ADARB2: variants seen among roughly 807,000 people sequenced by gnomAD.
ADARB2 encodes the protein adenosine deaminase RNA specific B2 (inactive).
ADARB2 carries 25 observed loss-of-function variants against 62.2 expected under a neutral mutation model. The ratio of observed to expected loss-of-function variants is 0.40; its 90% CI spans 0.29 to 0.56. ADARB2 has a LOEUF of 0.56. ADARB2 is among the 20% of genes least tolerant of loss of function. The probability of loss-of-function intolerance (pLI) is 0.43; values close to 1 mark genes in which losing one functional copy is unlikely to be tolerated. For missense variants in ADARB2, 1,071 were observed against 1,077.4 expected (o/e 0.99, Z 0.08); for synonymous variants, 572 against 500.8 (o/e 1.14, Z -1.90).
intron 1 of ADARB2, among the ~76,000 whole-genome samples, chr10:1,442,317 G>C (rs1419629884): frequency 6.6e-6 from 1 of 152,122 alleles, no homozygotes; most frequent in Non-Finnish European, 1.5e-5. Context: ...GGTCTTGTCT[G>C]TGTCCCCACC....
rs1834657383 is a variant in ADARB2 at position 1,690,658 on chromosome 10, C to T, written c.100+46393G>A. Among the ~76,000 whole-genome samples, 4 of 152,262 alleles carry T rather than the reference C, an allele frequency of 2.6e-5. No individual in the cohort carries two copies. In the South Asian group the frequency reaches 8.3e-4, roughly 32 times the overall value. The stretch of plus-strand genomic sequence containing the variant: ...TCTCCTCCTTGCTCCTTCCTGTCCC[C>T]ATGCTCAGTGGAGCACTGCCCTGCT... On this transcript the variant is annotated intron_variant, in intron 1 of 9. Coordinates refer to ENST00000381312, the MANE Select transcript of ADARB2 (RefSeq NM_018702.4).
intron 1 of ADARB2, among the ~76,000 whole-genome samples, chr10:1,670,752 A>G (rs1337938601): frequency 6.6e-6 from 1 of 152,188 alleles, no homozygotes; most frequent in Non-Finnish European, 1.5e-5. Context: ...TGGGGCCAAC[A>G]CTACGGCTTC....
intron 1 of ADARB2, among the ~76,000 whole-genome samples, chr10:1,601,070 G>A (rs76884239): frequency 7.9e-5 from 12 of 152,358 alleles, no homozygotes; most frequent in Non-Finnish European, 1.6e-4. Context: ...AGAGCCTGCA[G>A]TACTCAGACA....
At chr10:1,476,311 G>T (rs1164469001) in intron 1 of ADARB2, among the ~76,000 whole-genome samples, 1 of 152,186 alleles carries the variant, frequency 6.6e-6, no homozygotes, top group Non-Finnish European at 1.5e-5. Context: ...GTGCCCAACT[G>T]CAGGTCTCTG....
intron 1 of ADARB2, among the ~76,000 whole-genome samples, chr10:1,437,259 C>CACATATATACAT (rs1367876165): frequency 6.6e-6 from 1 of 151,996 alleles, no homozygotes; most frequent in Non-Finnish European, 1.5e-5. Flanking sequence ...TATACACACA[C>CACATATATACAT]ACACACATGC....
chr10:1,513,592 C>A (rs1435839289), intron 1 of ADARB2, among the ~76,000 whole-genome samples: 1 of 152,188 alleles, frequency 6.6e-6, no homozygotes. Context: ...GTGGAATTAT[C>A]CAGACACACG....
At chr10:1,570,018 A>C (rs879005287) in intron 1 of ADARB2, among the ~76,000 whole-genome samples, 2 of 152,220 alleles carry the variant, frequency 1.3e-5, no homozygotes, top group Admixed American at 1.3e-4. Flanking sequence ...TGAAAGTAGC[A>C]GTTTCTCCTG....
chr10:1,219,049 CAAAAAAAA>C (rs58282140), intron 6 of ADARB2, among the ~76,000 whole-genome samples: 1 of 103,588 alleles, frequency 9.7e-6, no homozygotes, highest in Non-Finnish European at 1.9e-5. Context: ...GACTACGTCT[CAAAAAAAA>C]AAAAAAAAAA....
intron 3 of ADARB2, among the ~76,000 whole-genome samples, chr10:1,272,769 ACCTGTGTCCTGGACACC>A (rs1831275232): frequency 1.3e-5 from 2 of 152,158 alleles, no homozygotes. Flanking sequence ...AGAGAGGGAA[ACCTGTGTCCTGGACACC>A]CCGTGTGCTG....
intron 1 of ADARB2, among the ~76,000 whole-genome samples, chr10:1,586,690 C>T (rs1036786150): frequency 6.6e-6 from 1 of 152,200 alleles, no homozygotes; most frequent in Non-Finnish European, 1.5e-5. Context: ...CTCCTTCCTA[C>T]ACAGAGAATA....
chr10:1,666,166 G>A (rs528235760), intron 1 of ADARB2, among the ~76,000 whole-genome samples: 1 of 152,230 alleles, frequency 6.6e-6, no homozygotes, highest in Non-Finnish European at 1.5e-5. Flanking sequence ...TGCGCACAAG[G>A]GTTCAGGGCT....
intron 1 of ADARB2, among the ~76,000 whole-genome samples, chr10:1,658,801 G>C (rs536569359): frequency 1.2e-4 from 19 of 152,252 alleles, no homozygotes; most frequent in African/African-American, 4.3e-4. Flanking sequence ...CCTTTGTGTC[G>C]TGTGCTCTGA....
At chr10:1,568,541 A>G (rs1436555032) in intron 1 of ADARB2, among the ~76,000 whole-genome samples, 2 of 152,014 alleles carry the variant, frequency 1.3e-5, no homozygotes, top group African/African-American at 2.4e-5. Flanking sequence ...TGAAAGAAGA[A>G]AGAAAAGAAA....
At chr10:1,669,635 C>T (rs1834356678) in intron 1 of ADARB2, among the ~76,000 whole-genome samples, 1 of 151,640 alleles carries the variant, frequency 6.6e-6, no homozygotes, top group Non-Finnish European at 1.5e-5. Context: ...CAAACACACA[C>T]AGACACATGC....
intron 7 of ADARB2, among the ~76,000 whole-genome samples, chr10:1,214,063 C>A (rs1837197483): frequency 6.6e-6 from 1 of 151,034 alleles, no homozygotes; most frequent in Admixed American, 6.6e-5. Flanking sequence ...CCCGGACCTG[C>A]CGGTGACACA....
At chr10:1,336,896 G>T (rs753555043) in intron 3 of ADARB2, among the ~76,000 whole-genome samples, 3 of 152,072 alleles carry the variant, frequency 2.0e-5, no homozygotes, top group Non-Finnish European at 4.4e-5. Context: ...CTCCCCCTCT[G>T]CTCCGATTCC....
At chr10:1,209,740 A>G (rs1837124031) in intron 7 of ADARB2, among the ~76,000 whole-genome samples, 1 of 152,038 alleles carries the variant, frequency 6.6e-6, no homozygotes, top group Non-Finnish European at 1.5e-5. Flanking sequence ...CACCCACACC[A>G]CACTGTCATC....
intron 1 of ADARB2, among the ~76,000 whole-genome samples, chr10:1,405,764 GA>G (rs1449198071): frequency 6.6e-6 from 1 of 151,366 alleles, no homozygotes; most frequent in African/African-American, 2.4e-5. Flanking sequence ...AAACCCCCTA[GA>G]TACACCTGTT....
chr10:1,543,104 A>G (rs1463898809), intron 1 of ADARB2, among the ~76,000 whole-genome samples: 1 of 152,194 alleles, frequency 6.6e-6, no homozygotes, highest in Non-Finnish European at 1.5e-5. Flanking sequence ...AAGGGATTCC[A>G]CCCTGGGGCG....
Sources: gnomAD v4.1 joint callset for allele counts (sites outside exome capture counted in the v4.1 genomes callset) on GRCh38, gnomAD v4.1.1 for gene constraint, MANE v1.5 for transcripts, NCBI Gene and HGNC (gene_info 2026-07-23, HGNC 2026-07-21) for gene names.